Variants in MRRF observed in about 807,000 individuals in gnomAD.
MRRF encodes the protein ribosome-recycling factor, mitochondrial.
MRRF carries 18 observed loss-of-function variants against 25.1 expected under a neutral mutation model. The observed-to-expected ratio is 0.72, with a 90% CI of 0.50 to 1.06. The LOEUF is 1.06. Ranked by LOEUF, MRRF falls within the 50% of genes least tolerant of loss-of-function variation. The pLI is 0.00. For synonymous variants in MRRF, 113 were observed against 112.1 expected (o/e 1.01, Z -0.05); for missense variants, 323 against 319.3 (o/e 1.01, Z -0.09).
At chr9:122,299,962 G>A (rs1366654861) in intron 5 of MRRF, among the ~76,000 whole-genome samples, 1 of 152,160 alleles carries the variant, frequency 6.6e-6, no homozygotes, top group Non-Finnish European at 1.5e-5. Flanking sequence ...CTTCTGAGAA[G>A]CAGATGCCAG....
At chr9:122,286,043 T>G in intron 4 of MRRF, 8 of 1,295,836 alleles carry the variant, frequency 6.2e-6, no homozygotes, top group Non-Finnish European at 8.1e-6. Context: ...CACTAGGAAT[T>G]GGCCTGGATT....
chr9:122,286,602 A>G (rs1353621269), intron 4 of MRRF, among the ~76,000 whole-genome samples: 2 of 152,106 alleles, frequency 1.3e-5, no homozygotes, highest in African/African-American at 4.8e-5. Context: ...AGTGCTAGCT[A>G]CTCAGGAAAC....
At chr9:122,286,994 C>T (rs1013485122) in intron 4 of MRRF, among the ~76,000 whole-genome samples, 2 of 152,182 alleles carry the variant, frequency 1.3e-5, no homozygotes, top group African/African-American at 4.8e-5. Flanking sequence ...CCTTTGCATC[C>T]TTAGAGCCTT....
Position 122,313,220 on chromosome 9 carries a change from T to C in MRRF, c.552-7T>C. ...GATTTTGTTGAATGTCTTTTGTCTT[T>C]TATCAGAGTAACCAGAGAGCACAGA... On this transcript the variant is annotated splice_region_variant and splice_polypyrimidine_tract_variant and intron_variant, in intron 5 of 6. Coordinates refer to ENST00000344641, the MANE Select transcript of MRRF (RefSeq NM_138777.5). The C allele has an allele frequency of 2.5e-6, 4 of 1,613,742 alleles. No homozygotes were observed. The highest frequency in any genetic ancestry group is 3.4e-6 in the Non-Finnish European group (4 of 1,179,776).
intron 6 of MRRF, 59 bp downstream of exon 6, chr9:122,313,445 A>T: frequency 1.3e-6 from 2 of 1,571,792 alleles, no homozygotes; most frequent in Non-Finnish European, 1.8e-6. Flanking sequence ...TCATTTGTTC[A>T]TGTTTGAGGT....
intron 5 of MRRF, among the ~76,000 whole-genome samples, chr9:122,300,532 G>A (rs1023691921): frequency 1.3e-5 from 2 of 152,166 alleles, no homozygotes; most frequent in East Asian, 3.8e-4. Context: ...TTATCTTAGA[G>A]TATTTGTTAT....
intron 1 of MRRF, among the ~76,000 whole-genome samples, chr9:122,268,826 G>T (rs563381513): frequency 3.9e-5 from 6 of 152,098 alleles, no homozygotes; most frequent in Middle Eastern, 3.4e-3. Context: ...AAATTCCATC[G>T]CGAGAAATGA....
rs543455430 is a variant in MRRF, at chr9:122,288,449, A to C, written c.459+3162A>C. On this transcript the variant is annotated intron_variant, in intron 4 of 6. Transcript: ENST00000344641. ...GGAAACTGAGACTCAAAGCAGTAAAATATTTCCACTAGGTTTACACTGTTG... is the reference window on the plus strand; with the variant it reads ...GGAAACTGAGACTCAAAGCAGTAAACTATTTCCACTAGGTTTACACTGTTG... Among the ~76,000 whole-genome samples, 89 of 152,326 alleles carry C rather than the reference A, an allele frequency of 5.8e-4. 1 individual carries two copies. Among genetic ancestry groups the C allele is most frequent in the African/African-American group, 2.1e-3 (88 of 41,580 alleles).
chr9:122,265,532 G>T (rs1356828155), intron 1 of MRRF: 2 of 344,966 alleles, frequency 5.8e-6, no homozygotes, highest in African/African-American at 2.2e-5. Context: ...ACCAAGACTC[G>T]GAGTTTTCTC....
intron 5 of MRRF, among the ~76,000 whole-genome samples, chr9:122,311,917 T>G (rs1309344499): frequency 6.6e-6 from 1 of 152,218 alleles, no homozygotes; most frequent in Admixed American, 6.5e-5. Context: ...GACATATGCT[T>G]TGGCAGAACA....
At chr9:122,291,602 C>G in intron 4 of MRRF, 147 bp from the exon 5 acceptor site, 1 of 705,458 alleles carries the variant, frequency 1.4e-6, no homozygotes, top group Non-Finnish European at 2.6e-6. Flanking sequence ...TCAAAGCACT[C>G]TACACCAATG....
chr9:122,266,939 G>A (rs773190428), intron 1 of MRRF, among the ~76,000 whole-genome samples: 126 of 152,072 alleles, frequency 8.3e-4, no homozygotes, highest in Non-Finnish European at 1.5e-3. Flanking sequence ...GTGTGGTGGC[G>A]CACGCCTGTA....
intron 4 of MRRF, among the ~76,000 whole-genome samples, chr9:122,287,438 G>A (rs1301832617): frequency 6.6e-6 from 1 of 152,140 alleles, no homozygotes; most frequent in African/African-American, 2.4e-5. Flanking sequence ...TCTCTTTCTG[G>A]GCCCCTCTGA....
intron 6 of MRRF, among the ~76,000 whole-genome samples, chr9:122,317,685 T>C (rs1394475320): frequency 6.6e-6 from 1 of 152,172 alleles, no homozygotes; most frequent in Non-Finnish European, 1.5e-5. Context: ...AGCTTATACA[T>C]GTCAAAATAT....
intron 3 of MRRF, among the ~76,000 whole-genome samples, chr9:122,283,520 C>G (rs1351869669): frequency 1.3e-5 from 2 of 152,192 alleles, no homozygotes; most frequent in Non-Finnish European, 2.9e-5. Flanking sequence ...GGTAATTGGT[C>G]TTCAGAATAA....
rs778008249 is a variant in MRRF, at chr9:122,270,995, A to G, written c.104A>G (p.His35Arg). 3.7e-6 allele frequency: 6 copies of G among 1,614,082 alleles called. No individual in the cohort carries two copies. The Admixed American group carries it at 6.7e-5, about 18-fold the overall frequency. ...PVSEVTLKTV[H>R]ERQHGHRQYM... ...TCAGAAGTTACACTGAAGACAGTGC[A>G]TGAAAGACAACATGGCCATAGGCAA... The change falls in exon 2 of 7, where the codon CAT (histidine) becomes CGT (arginine). Residue 35 changes from histidine to arginine, a missense_variant. Physicochemically the swap from His to Arg is conservative, Grantham distance 29. Transcript: ENST00000344641.
intron 5 of MRRF, among the ~76,000 whole-genome samples, chr9:122,307,141 G>T (rs539514106): frequency 6.6e-6 from 1 of 152,134 alleles, no homozygotes; most frequent in East Asian, 1.9e-4. Flanking sequence ...CGTCAGGACC[G>T]GCAGCCCCAA....
intron 5 of MRRF, among the ~76,000 whole-genome samples, chr9:122,304,301 T>C (rs1007315860): frequency 6.6e-6 from 1 of 152,204 alleles, no homozygotes; most frequent in Non-Finnish European, 1.5e-5. Context: ...CTTTCTACTT[T>C]CCAGGCCTGG....
chr9:122,280,388 T>A (rs1312778889), intron 2 of MRRF, 55 bp from the exon 3 acceptor site: 16 of 1,595,202 alleles, frequency 1.0e-5, no homozygotes, highest in Non-Finnish European at 1.3e-5. Flanking sequence ...CACCAATTGC[T>A]TATTGGCTCT....
Sources: gnomAD v4.1 joint callset for allele counts (sites outside exome capture counted in the v4.1 genomes callset) on GRCh38, gnomAD v4.1.1 for gene constraint, MANE v1.5 for transcripts, NCBI Gene and HGNC (gene_info 2026-07-23, HGNC 2026-07-21) for gene names.